The following CADPS2 variants were observed in gnomAD, a reference collection of about 807,000 sequenced individuals.
CADPS2 encodes calcium dependent secretion activator 2.
A neutral mutation model predicts 172.5 loss-of-function variants in CADPS2; 93 were observed. The ratio of observed to expected loss-of-function variants is 0.54; its 90% CI spans 0.46 to 0.64. CADPS2 has a LOEUF of 0.64. Among genes scored for constraint, CADPS2 ranks in the 30% least tolerant of loss-of-function variants. CADPS2 has a pLI of 0.00. For synonymous variants in CADPS2, 546 were observed against 555.2 expected (o/e 0.98, Z 0.23); for missense variants, 1,420 against 1,565.9 (o/e 0.91, Z 1.57).
chr7:122,706,456 G>C (rs1048503272), intron 2 of CADPS2, among the ~76,000 whole-genome samples: 2 of 139,966 alleles, frequency 1.4e-5, no homozygotes, highest in African/African-American at 5.2e-5. Context: ...ATATATTCAA[G>C]GAATATATAT....
intron 7 of CADPS2, among the ~76,000 whole-genome samples, chr7:122,555,591 A>AT (rs1283068305): frequency 6.6e-6 from 1 of 152,050 alleles, no homozygotes; most frequent in East Asian, 1.9e-4. Flanking sequence ...AGGTATTCTA[A>AT]TTTTTTCACA....
At chr7:122,621,772 C>G in intron 4 of CADPS2, 55 bp from the exon 5 acceptor site, 1 of 1,004,524 alleles carries the variant, frequency 1.0e-6, no homozygotes, top group East Asian at 2.6e-5. Context: ...TCAATTTTAT[C>G]ATACAAAATT....
At chr7:122,770,476 C>T (rs1340975998) in intron 1 of CADPS2, among the ~76,000 whole-genome samples, 1 of 152,138 alleles carries the variant, frequency 6.6e-6, no homozygotes, top group Admixed American at 6.5e-5. Flanking sequence ...GGGAAATTTA[C>T]ACGTAACACA....
At chr7:122,880,132 A>T (rs1270342076) in intron 1 of CADPS2, among the ~76,000 whole-genome samples, 4 of 152,198 alleles carry the variant, frequency 2.6e-5, no homozygotes, top group African/African-American at 9.7e-5. Flanking sequence ...GACCTTTGTG[A>T]ACTGTACTGT....
chr7:122,329,652 AT>A (rs1178965926), intron 28 of CADPS2, among the ~76,000 whole-genome samples: 1 of 152,210 alleles, frequency 6.6e-6, no homozygotes, highest in Non-Finnish European at 1.5e-5. Flanking sequence ...AATTTATAAC[AT>A]TTTGAGGATG....
At chr7:122,658,287 T>C (rs2080065821) in intron 3 of CADPS2, among the ~76,000 whole-genome samples, 1 of 152,222 alleles carries the variant, frequency 6.6e-6, no homozygotes, top group African/African-American at 2.4e-5. Context: ...TTTACACTGT[T>C]GGTGGGACTG....
intron 12 of CADPS2, among the ~76,000 whole-genome samples, chr7:122,476,071 T>A (rs1035472503): frequency 6.6e-6 from 1 of 152,124 alleles, no homozygotes; most frequent in African/African-American, 2.4e-5. Flanking sequence ...GGAGGCAGAA[T>A]ATTAAAACTG....
chr7:122,595,681 G>C (rs1247410930), intron 6 of CADPS2, among the ~76,000 whole-genome samples: 2 of 151,994 alleles, frequency 1.3e-5, no homozygotes, highest in Non-Finnish European at 2.9e-5. Flanking sequence ...GGCTCCCCCT[G>C]CAGATAAAAC....
At chr7:122,790,695 AT>A (rs1795115266) in intron 1 of CADPS2, among the ~76,000 whole-genome samples, 1 of 152,194 alleles carries the variant, frequency 6.6e-6, no homozygotes, top group South Asian at 2.1e-4. Flanking sequence ...AGCCTCAGTC[AT>A]TCTTCAAATT....
intron 6 of CADPS2, among the ~76,000 whole-genome samples, chr7:122,597,944 A>T (rs1157436108): frequency 1.3e-5 from 2 of 152,086 alleles, no homozygotes; most frequent in Non-Finnish European, 2.9e-5. Flanking sequence ...AATAACACAA[A>T]CATGGGACAT....
chr7:122,631,746 G>A (rs915435993), intron 3 of CADPS2, among the ~76,000 whole-genome samples: 6 of 151,612 alleles, frequency 4.0e-5, no homozygotes, highest in Non-Finnish European at 7.4e-5. Context: ...ATGGTTTCAT[G>A]GGTATATTAC....
intron 7 of CADPS2, among the ~76,000 whole-genome samples, chr7:122,558,784 T>C (rs6963572): frequency 0.011 from 1,730 of 152,304 alleles, 31 homozygotes; most frequent in African/African-American, 0.039. Flanking sequence ...TTGTTTCTTT[T>C]CTACTGAGAT....
chr7:122,838,294 C>G (rs1584805876), intron 1 of CADPS2, among the ~76,000 whole-genome samples: 1 of 152,246 alleles, frequency 6.6e-6, no homozygotes, highest in African/African-American at 2.4e-5. Flanking sequence ...ATAATAAGAG[C>G]TATTTATGAC....
At chr7:122,559,242 GA>G (rs562630763) in intron 7 of CADPS2, among the ~76,000 whole-genome samples, 10 of 152,108 alleles carry the variant, frequency 6.6e-5, no homozygotes, top group Admixed American at 6.5e-5. Context: ...GGGGGCTGTT[GA>G]AACCAAACAC....
At chr7:122,614,456 T>C (rs915049400) in intron 6 of CADPS2, among the ~76,000 whole-genome samples, 6 of 151,922 alleles carry the variant, frequency 3.9e-5, no homozygotes, top group Admixed American at 6.6e-5. Context: ...AAATCCTAAA[T>C]CCTATAAGAT....
chr7:122,498,642 C>T (rs1431103280), intron 9 of CADPS2, among the ~76,000 whole-genome samples: 2 of 151,906 alleles, frequency 1.3e-5, no homozygotes, highest in African/African-American at 2.4e-5. Flanking sequence ...TATTGCTTAC[C>T]CTGTCTATGG....
At chr7:122,867,511 T>C (rs1043552948) in intron 1 of CADPS2, among the ~76,000 whole-genome samples, 2 of 152,138 alleles carry the variant, frequency 1.3e-5, no homozygotes, top group Admixed American at 6.5e-5. Context: ...GTACAACATA[T>C]ACCCTGCCCA....
intron 1 of CADPS2, among the ~76,000 whole-genome samples, chr7:122,840,431 A>T (rs954935502): frequency 2.6e-5 from 4 of 152,090 alleles, no homozygotes; most frequent in East Asian, 1.9e-4. Context: ...AGTATAATTT[A>T]AAAAAAGAAA....
At chr7:122,604,728 A>C (rs1007901986) in intron 6 of CADPS2, among the ~76,000 whole-genome samples, 2 of 152,178 alleles carry the variant, frequency 1.3e-5, no homozygotes, top group African/African-American at 4.8e-5. Flanking sequence ...AGAAATTTTT[A>C]ACATAAAGAG....
Sources: allele counts gnomAD v4.1 joint callset (sites outside exome capture counted in the v4.1 genomes callset), GRCh38; gene constraint gnomAD v4.1.1; transcripts MANE v1.5; gene names NCBI Gene and HGNC (gene_info 2026-07-23, HGNC 2026-07-21).